Variants in CMC1 observed in about 807,000 individuals in gnomAD.
CMC1 encodes the protein C-X9-C motif containing 1.
A neutral mutation model predicts 14.1 loss-of-function variants in CMC1; 14 were observed. The observed-to-expected ratio is 0.99, with a 90% CI of 0.66 to 1.55. The LOEUF (loss-of-function observed/expected upper bound fraction) is 1.55. Among genes scored for constraint, CMC1 ranks in the 40% most tolerant of loss-of-function variants. The pLI is 0.00. For synonymous variants in CMC1, 50 were observed against 38.4 expected (o/e 1.30, Z -1.12); for missense variants, 127 against 123.8 (o/e 1.03, Z -0.12).
chr3:28,256,326 A>G (rs73822336), intron 1 of CMC1, among the ~76,000 whole-genome samples: 7,004 of 152,188 alleles, frequency 0.046, 510 homozygotes, highest in African/African-American at 0.15. Flanking sequence ...CAGGCTTGGA[A>G]TTCTTGATCT....
chr3:28,309,007 T>TAA (rs1702484077), intron 2 of CMC1, among the ~76,000 whole-genome samples: 1 of 151,340 alleles, frequency 6.6e-6, no homozygotes, highest in Admixed American at 6.6e-5. Context: ...AATAAATAAA[T>TAA]AAGCCTGCAA....
intron 1 of CMC1, chr3:28,253,872 A>G: frequency 4.4e-6 from 2 of 457,386 alleles, no homozygotes; most frequent in South Asian, 3.5e-5. Context: ...CTTGCCCTTC[A>G]TATATCACAT....
At chr3:28,267,470 G>A (rs1368521722) in intron 2 of CMC1, among the ~76,000 whole-genome samples, 1 of 152,112 alleles carries the variant, frequency 6.6e-6, no homozygotes, top group Non-Finnish European at 1.5e-5. Context: ...TAACCTAGCT[G>A]TATTCTCTTA....
chr3:28,270,541 A>G (rs1378641908), intron 2 of CMC1, among the ~76,000 whole-genome samples: 2 of 151,954 alleles, frequency 1.3e-5, no homozygotes, highest in Non-Finnish European at 2.9e-5. Flanking sequence ...GTTTGTTGGT[A>G]GCATAAAGGT....
At chr3:28,302,380 T>C (rs1160900509) in intron 2 of CMC1, among the ~76,000 whole-genome samples, 1 of 152,154 alleles carries the variant, frequency 6.6e-6, no homozygotes, top group African/African-American at 2.4e-5. Context: ...TATCAATGAA[T>C]TGGCCTTTTA....
At chr3:28,250,547 C>T (rs984591010) in intron 1 of CMC1, among the ~76,000 whole-genome samples, 11 of 152,140 alleles carry the variant, frequency 7.2e-5, no homozygotes, top group Non-Finnish European at 1.6e-4. Flanking sequence ...ATCCACCACC[C>T]TTTTCTTCTT....
At chr3:28,305,534 A>G (rs534016833) in intron 2 of CMC1, among the ~76,000 whole-genome samples, 3 of 152,058 alleles carry the variant, frequency 2.0e-5, no homozygotes, top group Non-Finnish European at 4.4e-5. Flanking sequence ...TTCTGTTTAT[A>G]AGCATTCCCT....
intron 2 of CMC1, among the ~76,000 whole-genome samples, chr3:28,306,754 C>T (rs1424789965): frequency 6.6e-6 from 1 of 151,700 alleles, no homozygotes; most frequent in African/African-American, 2.4e-5. Context: ...AAGCAATTCT[C>T]CTGCCTCAGC....
chr3:28,280,134 A>C (rs1362954886), intron 2 of CMC1, among the ~76,000 whole-genome samples: 1 of 152,210 alleles, frequency 6.6e-6, no homozygotes, highest in Non-Finnish European at 1.5e-5. Context: ...TGCTTAGTGA[A>C]ATATAAGTGA....
chr3:28,251,681 C>G (rs567613095), intron 1 of CMC1, among the ~76,000 whole-genome samples: 2 of 152,220 alleles, frequency 1.3e-5, no homozygotes, highest in South Asian at 2.1e-4. Flanking sequence ...TTCTCCTATT[C>G]CATTATCAAA....
chr3:28,292,427 T>A (rs1156984997), intron 2 of CMC1, among the ~76,000 whole-genome samples: 1 of 152,146 alleles, frequency 6.6e-6, no homozygotes. Flanking sequence ...GATTTTACCC[T>A]TATCCTAAAC....
In CMC1 at chr3:28,323,814, T is replaced by C. The variant is rs180685088; in HGVS notation, c.*4185T>C. ...CCTTAAGTTTACTTATTAATTAGTATAGTAGCATATTTCAGATTCTTAGAA... is the reference window on the plus strand; with the variant it reads ...CCTTAAGTTTACTTATTAATTAGTACAGTAGCATATTTCAGATTCTTAGAA... On this transcript the variant is annotated 3_prime_UTR_variant, in exon 4 of 4. Coordinates refer to ENST00000466830, the MANE Select transcript of CMC1 (RefSeq NM_182523.2). The C allele has an allele frequency of 1.1e-4, 44 of 411,106 alleles. No individual in the cohort carries two copies. The highest frequency in any genetic ancestry group is 8.6e-4 in the East Asian group (24 of 27,818). The allele number at this position is 411,106 out of a possible 1,614,324, so 25.5% of individuals were successfully genotyped here.
chr3:28,275,793 G>C (rs552069862), intron 2 of CMC1, among the ~76,000 whole-genome samples: 119 of 152,142 alleles, frequency 7.8e-4, no homozygotes, highest in Non-Finnish European at 1.5e-3. Context: ...TCAGAGTTCT[G>C]TCCATAAACC....
In CMC1 at chr3:28,241,654, G is replaced by T. The variant is rs538521979; in HGVS notation, c.-140G>T. On this transcript the variant is annotated 5_prime_UTR_variant, in exon 1 of 4. Transcript: ENST00000466830. ...GGAAGAGGGAACGGGTCCTGGCGGT[G>T]CTTTGCAAAGGGCCCGTGTTTCTGT... The T allele has an allele frequency of 1.2e-5, 15 of 1,233,454 alleles. 1 individual carries two copies. In the Admixed American group the frequency reaches 6.3e-4, roughly 52 times the overall value. 76.4% of individuals were successfully genotyped at this position (1,233,454 alleles called of 1,614,324 possible).
chr3:28,279,000 A>C (rs1057159445), intron 2 of CMC1, among the ~76,000 whole-genome samples: 1 of 152,212 alleles, frequency 6.6e-6, no homozygotes, highest in African/African-American at 2.4e-5. Context: ...TTTGATAATG[A>C]GTTTATTCAG....
rs1703170994 is a variant in CMC1, at chr3:28,320,994, T to G, written c.*1365T>G. On this transcript the variant is annotated 3_prime_UTR_variant, in exon 4 of 4. Transcript: ENST00000466830. ...CCATGCAATAGATCTGAGAGATTTT[T>G]TTTTAAGAAAGAATTTAAATAGGAC... 1 of 151,480 alleles carries G rather than the reference T, an allele frequency of 6.6e-6. No homozygotes were observed. 9.4% of individuals were successfully genotyped at this position (151,480 alleles called of 1,614,324 possible). A position where few individuals can be genotyped will look rare whatever the true frequency, so the allele number is the denominator to read the frequency against.
intron 2 of CMC1, among the ~76,000 whole-genome samples, chr3:28,299,933 G>C (rs1457761885): frequency 2.0e-5 from 3 of 152,100 alleles, no homozygotes; most frequent in Admixed American, 2.0e-4. Flanking sequence ...TAAATGGTGA[G>C]ATAACACCTC....
At chr3:28,319,030 CCTAT>C in intron 3 of CMC1, 1 of 342,818 alleles carries the variant, frequency 2.9e-6, no homozygotes, top group East Asian at 7.6e-5. Flanking sequence ...TATAGTGGTA[CCTAT>C]CTACTTGGCA....
At chr3:28,313,908 G>A (rs182604826) in intron 2 of CMC1, among the ~76,000 whole-genome samples, 1 of 152,288 alleles carries the variant, frequency 6.6e-6, no homozygotes, top group African/African-American at 2.4e-5. Context: ...AAAGGACTGA[G>A]GTTTGGTCAA....
Sources: allele counts gnomAD v4.1 joint callset (sites outside exome capture counted in the v4.1 genomes callset), GRCh38; gene constraint gnomAD v4.1.1; transcripts MANE v1.5; gene names NCBI Gene and HGNC (gene_info 2026-07-23, HGNC 2026-07-21).